ELFN2: variants seen among roughly 807,000 people sequenced by gnomAD.
ELFN2 encodes protein phosphatase 1 regulatory subunit 29.
ELFN2 carries 17 observed loss-of-function variants against 45.5 expected under a neutral mutation model. The ratio of observed to expected loss-of-function variants is 0.37; its 90% CI spans 0.26 to 0.56. The LOEUF (loss-of-function observed/expected upper bound fraction) is 0.56, where lower values mean the gene tolerates loss of function less well. Ranked by LOEUF, ELFN2 falls within the 20% of genes least tolerant of loss-of-function variation. The pLI is 0.77. For missense variants in ELFN2, 922 were observed against 1,183.2 expected (o/e 0.78, Z 3.24); for synonymous variants, 550 against 551.5 (o/e 1.00, Z 0.04).
intron 1 of ELFN2, chr22:37,354,004 A>G (rs1413860743): frequency 6.6e-6 from 1 of 152,254 alleles, no homozygotes; most frequent in Non-Finnish European, 1.5e-5. Context: ...CAAACGGGAA[A>G]CGACCCAAAT....
rs951850317 is a variant in ELFN2 at position 37,405,246 on chromosome 22, C to T, written c.-463+12523G>A. ...TAGCTGGGATTATAGGTGCATTCCA[C>T]CACACCCAGCTAATTTTTGTATTTT... On this transcript the variant is annotated intron_variant, in intron 2 of 2. Coordinates refer to ENST00000402918, the MANE Select transcript of ELFN2 (RefSeq NM_052906.5). 2.8e-4 allele frequency among the ~76,000 whole-genome samples: 42 copies of T among 152,054 alleles called. 1 individual carries two copies. The highest frequency in any genetic ancestry group is 9.9e-4 in the African/African-American group (41 of 41,398).
intron 2 of ELFN2, among the ~76,000 whole-genome samples, chr22:37,415,701 G>A (rs1932753094): frequency 6.6e-6 from 1 of 152,186 alleles, no homozygotes; most frequent in Non-Finnish European, 1.5e-5. Context: ...GGTGGCTCAC[G>A]CCTGTAATCC....
intron 1 of ELFN2, among the ~76,000 whole-genome samples, chr22:37,355,900 T>C (rs1335722477): frequency 6.6e-6 from 1 of 152,110 alleles, no homozygotes; most frequent in Non-Finnish European, 1.5e-5. Context: ...GACGTGAGAG[T>C]GTTCAGCGTC....
intron 1 of ELFN2, 51 bp downstream of exon 1, chr22:37,427,247 G>C (rs541043820): frequency 3.4e-5 from 3 of 87,286 alleles, no homozygotes; most frequent in African/African-American, 2.2e-4. Flanking sequence ...GACTCCCACC[G>C]TCTCCCCGGT....
At chr22:37,416,234 G>T (rs1294992869) in intron 2 of ELFN2, among the ~76,000 whole-genome samples, 2 of 152,204 alleles carry the variant, frequency 1.3e-5, no homozygotes, top group Non-Finnish European at 2.9e-5. Context: ...AACCCCTGGG[G>T]ACTGGGGGGA....
chr22:37,404,251 A>AG (rs1932440267), intron 2 of ELFN2, among the ~76,000 whole-genome samples: 1 of 151,808 alleles, frequency 6.6e-6, no homozygotes, highest in South Asian at 2.1e-4. Flanking sequence ...AATGCATCGG[A>AG]GGGGCGGGAA....
chr22:37,346,186 GTT>G (rs1019578052), intron 1 of ELFN2, among the ~76,000 whole-genome samples: 11 of 152,230 alleles, frequency 7.2e-5, no homozygotes, highest in African/African-American at 1.4e-4. Context: ...TCACGCCTGG[GTT>G]TATAGTTGAA....
At chr22:37,383,648 A>C (rs1390205276) in intron 2 of ELFN2, among the ~76,000 whole-genome samples, 3 of 152,206 alleles carry the variant, frequency 2.0e-5, no homozygotes, top group African/African-American at 7.2e-5. Flanking sequence ...CATGCTGCCC[A>C]AGCAGCCGCA....
At chr22:37,376,256 C>G (rs1931583962) in intron 2 of ELFN2, among the ~76,000 whole-genome samples, 1 of 152,044 alleles carries the variant, frequency 6.6e-6, no homozygotes, top group Admixed American at 6.5e-5. Context: ...ATCATGGGCA[C>G]AGAAGGGACA....
intron 2 of ELFN2, among the ~76,000 whole-genome samples, chr22:37,416,598 C>T (rs1299467322): frequency 6.6e-6 from 1 of 152,126 alleles, no homozygotes; most frequent in Non-Finnish European, 1.5e-5. Flanking sequence ...GAGGGAAGGG[C>T]TGGGTGGAGG....
chr22:37,421,088 A>T (rs540571261), intron 1 of ELFN2, among the ~76,000 whole-genome samples: 46 of 152,316 alleles, frequency 3.0e-4, no homozygotes, highest in African/African-American at 1.1e-3. Flanking sequence ...GAACACCCAG[A>T]GATTCTAATG....
chr22:37,383,044 C>A (rs1931832465), intron 2 of ELFN2, among the ~76,000 whole-genome samples: 1 of 152,196 alleles, frequency 6.6e-6, no homozygotes, highest in African/African-American at 2.4e-5. Context: ...CTAAACAGCA[C>A]CACGTCCTCT....
chr22:37,412,032 C>T (rs1397827415), intron 2 of ELFN2, among the ~76,000 whole-genome samples: 2 of 151,980 alleles, frequency 1.3e-5, no homozygotes, highest in Admixed American at 1.3e-4. Flanking sequence ...CATCTCTCCT[C>T]CGACATTCAG....
At chr22:37,384,645 C>A (rs1246575378) in intron 2 of ELFN2, among the ~76,000 whole-genome samples, 2 of 101,048 alleles carry the variant, frequency 2.0e-5, no homozygotes, top group South Asian at 3.6e-4. Context: ...CCCCACCCGA[C>A]CCCTGGCCTC....
intron 2 of ELFN2, among the ~76,000 whole-genome samples, chr22:37,408,091 C>T (rs925482347): frequency 6.6e-5 from 10 of 152,158 alleles, no homozygotes; most frequent in African/African-American, 2.4e-4. Context: ...TTCTCCAGGC[C>T]GGGTGTGTGC....
intron 2 of ELFN2, among the ~76,000 whole-genome samples, chr22:37,376,661 G>A (rs1931594491): frequency 6.6e-6 from 1 of 152,238 alleles, no homozygotes; most frequent in Non-Finnish European, 1.5e-5. Flanking sequence ...CCCCCAAGCA[G>A]AGGGACACAG....
downstream of ELFN2, among the ~76,000 whole-genome samples, chr22:37,367,074 G>A (rs978863347): frequency 6.6e-6 from 1 of 152,254 alleles, no homozygotes; most frequent in African/African-American, 2.4e-5. Flanking sequence ...GACCCACAGA[G>A]TCCAGAATAC....
At chr22:37,381,335 G>C (rs1307489653) in intron 2 of ELFN2, among the ~76,000 whole-genome samples, 2 of 152,030 alleles carry the variant, frequency 1.3e-5, no homozygotes, top group Non-Finnish European at 2.9e-5. Context: ...AGAGGAAAGC[G>C]TGCAAGGGGG....
intron 1 of ELFN2, among the ~76,000 whole-genome samples, chr22:37,343,724 C>A (rs1214380400): frequency 6.7e-6 from 1 of 149,718 alleles, no homozygotes; most frequent in Admixed American, 6.7e-5. Flanking sequence ...CCCCCCGGAC[C>A]CCAGCCTCCC....
Sources: gnomAD v4.1 joint callset for allele counts (sites outside exome capture counted in the v4.1 genomes callset) on GRCh38, gnomAD v4.1.1 for gene constraint, MANE v1.5 for transcripts, NCBI Gene and HGNC (gene_info 2026-07-23, HGNC 2026-07-21) for gene names.